MBD2: variants seen among roughly 807,000 people sequenced by gnomAD.
MBD2 encodes methyl-CpG-binding domain protein 2.
In MBD2, 9 loss-of-function variants were observed where a neutral mutation model predicts 39.3. That is an observed-to-expected ratio of 0.23 (90% CI 0.14 to 0.40). The LOEUF is 0.40. Ranked by LOEUF, MBD2 falls within the 10% of genes least tolerant of loss-of-function variation. The pLI is 1.00. For synonymous variants in MBD2, 233 were observed against 211.1 expected (o/e 1.10, Z -0.90); for missense variants, 458 against 532.6 (o/e 0.86, Z 1.38).
intron 6 of MBD2, among the ~76,000 whole-genome samples, chr18:54,157,899 A>G (rs1462923180): frequency 6.6e-6 from 1 of 152,080 alleles, no homozygotes; most frequent in African/African-American, 2.4e-5. Flanking sequence ...TCTCAGATCT[A>G]CCCATCTCTT....
At position 54,161,594 on chromosome 18, in the gene MBD2, T is replaced by C. The variant is rs117449509; in HGVS notation, c.1110-1691A>G. The stretch of plus-strand genomic sequence containing the variant: ...AGAAAATGGAGCAAATGGCACCATA[T>C]GCAGTAATTTGGATGGAGAATTTTA... On this transcript the variant is annotated intron_variant, in intron 5 of 6. Coordinates refer to ENST00000256429, the MANE Select transcript of MBD2 (RefSeq NM_003927.5). Among the ~76,000 whole-genome samples, 110 of 152,360 alleles carry C rather than the reference T, an allele frequency of 7.2e-4. 1 individual carries two copies. The highest frequency in any genetic ancestry group is 5.0e-3 in the South Asian group (24 of 4,826).
At chr18:54,168,071 ATG>A (rs933796051) in intron 3 of MBD2, among the ~76,000 whole-genome samples, 2 of 150,518 alleles carry the variant, frequency 1.3e-5, no homozygotes, top group African/African-American at 4.9e-5. Context: ...CTTTATATAT[ATG>A]TGTATATATA....
In MBD2 at chr18:54,196,657, T is replaced by G. The variant is rs143469200; in HGVS notation, c.703-7646A>C. Among the ~76,000 whole-genome samples the G allele has an allele frequency of 2.6e-5, 4 of 152,306 alleles. No individual in the cohort carries two copies. The East Asian group carries it at 7.7e-4, about 29-fold the overall frequency. On this transcript the variant is annotated intron_variant, in intron 2 of 6. Coordinates refer to ENST00000256429, the MANE Select transcript of MBD2 (RefSeq NM_003927.5). ...TCTTCAGGACCTATAAAAGTTCTGT[T>G]AACACCTGGGCATACCAAACAAATC...
chr18:54,220,101 T>C (rs1209468415), intron 1 of MBD2, among the ~76,000 whole-genome samples: 2 of 152,112 alleles, frequency 1.3e-5, no homozygotes, highest in Non-Finnish European at 2.9e-5. Context: ...GCGACCGACC[T>C]AGACTTGATT....
chr18:54,197,629 ACT>A (rs1217486347), intron 2 of MBD2, among the ~76,000 whole-genome samples: 2 of 152,062 alleles, frequency 1.3e-5, no homozygotes, highest in African/African-American at 4.8e-5. Context: ...ACCCTTTAGT[ACT>A]CTTTTTGTGT....
chr18:54,223,017 T>C (rs2086628431), intron 1 of MBD2, among the ~76,000 whole-genome samples: 1 of 152,202 alleles, frequency 6.6e-6, no homozygotes, highest in Admixed American at 6.5e-5. Flanking sequence ...CCCATATACA[T>C]TCCCTGAAAA....
intron 1 of MBD2, among the ~76,000 whole-genome samples, 174 bp downstream of exon 1, chr18:54,223,843 TC>T (rs2086635216): frequency 6.6e-6 from 1 of 151,832 alleles, no homozygotes; most frequent in Non-Finnish European, 1.5e-5. Flanking sequence ...TGACACTGCC[TC>T]CCACCGCACT....
At chr18:54,186,328 T>C (rs1192541859) in intron 3 of MBD2, among the ~76,000 whole-genome samples, 1 of 152,188 alleles carries the variant, frequency 6.6e-6, no homozygotes, top group African/African-American at 2.4e-5. Flanking sequence ...TTGGAATATT[T>C]GGCAATTTAT....
intron 2 of MBD2, chr18:54,202,977 T>A (rs1283241116): frequency 1.0e-6 from 1 of 991,042 alleles, no homozygotes; most frequent in African/African-American, 1.6e-5. Flanking sequence ...GGGTCTTGGA[T>A]GAGTAGGAGT....
In MBD2 at chr18:54,170,571, T is replaced by A. The variant is rs939378733; in HGVS notation, c.841-4405A>T. ...ACTCTTTAGTGAAGAACAAAAGAGA[T>A]GGCTTACTAGGAAAAAGGAATTTGA... On this transcript the variant is annotated intron_variant, in intron 3 of 6. Transcript: ENST00000256429. Among the ~76,000 whole-genome samples, 31 of 152,220 alleles carry A rather than the reference T, an allele frequency of 2.0e-4. 2 individuals carry two copies. The highest frequency in any genetic ancestry group is 2.0e-3 in the Admixed American group (31 of 15,278).
At chr18:54,180,470 CTATT>C (rs2086242992) in intron 3 of MBD2, among the ~76,000 whole-genome samples, 1 of 152,098 alleles carries the variant, frequency 6.6e-6, no homozygotes, top group Admixed American at 6.5e-5. Flanking sequence ...TAAACCCTGA[CTATT>C]TAACCTATTT....
intron 1 of MBD2, among the ~76,000 whole-genome samples, chr18:54,209,976 T>C (rs1478840574): frequency 6.6e-6 from 1 of 152,188 alleles, no homozygotes; most frequent in Non-Finnish European, 1.5e-5. Flanking sequence ...ATTTGTAACT[T>C]AGGGAAGTTC....
chr18:54,217,260 G>A (rs2086569355), intron 1 of MBD2, among the ~76,000 whole-genome samples: 1 of 152,106 alleles, frequency 6.6e-6, no homozygotes, highest in African/African-American at 2.4e-5. Context: ...TTCCCAAAAT[G>A]AGTTTGAATT....
At chr18:54,173,995 G>T (rs1185751108) in intron 3 of MBD2, among the ~76,000 whole-genome samples, 15 of 152,142 alleles carry the variant, frequency 9.9e-5, no homozygotes, top group Non-Finnish European at 2.2e-4. Flanking sequence ...AGAATAGAAG[G>T]TGGGAGAGAA....
chr18:54,221,111 A>AGTGG (rs1390092212), intron 1 of MBD2, among the ~76,000 whole-genome samples: 5 of 152,196 alleles, frequency 3.3e-5, no homozygotes, highest in African/African-American at 1.2e-4. Flanking sequence ...TTACCACTAT[A>AGTGG]GTGGCTTACG....
At chr18:54,179,879 A>C (rs1271619531) in intron 3 of MBD2, among the ~76,000 whole-genome samples, 1 of 141,640 alleles carries the variant, frequency 7.1e-6, no homozygotes, top group East Asian at 2.2e-4. Flanking sequence ...AGTTCTAACT[A>C]ATAAAATAGA....
At chr18:54,201,839 G>A (rs1188652297) in intron 2 of MBD2, among the ~76,000 whole-genome samples, 1 of 150,504 alleles carries the variant, frequency 6.6e-6, no homozygotes, top group Non-Finnish European at 1.5e-5. Flanking sequence ...CTCCAGCCTG[G>A]GCGACAGAGC....
chr18:54,224,602 A>G lies in MBD2; in HGVS notation c.-43T>C. ...CGGCGCTGCGCTTCTTCCGTAACCG[A>G]GCCCTTGGAATCCCGGAGACCCGCC... On this transcript the variant is annotated 5_prime_UTR_variant, in exon 1 of 7. Coordinates refer to ENST00000256429, the MANE Select transcript of MBD2 (RefSeq NM_003927.5). 2 of 1,213,110 alleles carry G rather than the reference A, an allele frequency of 1.6e-6. No individual in the cohort carries two copies. Among genetic ancestry groups the G allele is most frequent in the Non-Finnish European group, 1.0e-6 (1 of 972,272 alleles). 75.1% of individuals were successfully genotyped at this position (1,213,110 alleles called of 1,614,324 possible). A position where few individuals can be genotyped will look rare whatever the true frequency, so the allele number is the denominator to read the frequency against.
At chr18:54,163,490 G>C (rs1251972091) in intron 5 of MBD2, among the ~76,000 whole-genome samples, 2 of 151,984 alleles carry the variant, frequency 1.3e-5, no homozygotes, top group Non-Finnish European at 2.9e-5. Flanking sequence ...ATGATATTGA[G>C]GTCATAAAAC....
Sources: allele counts gnomAD v4.1 joint callset (sites outside exome capture counted in the v4.1 genomes callset), GRCh38; gene constraint gnomAD v4.1.1; transcripts MANE v1.5; gene names NCBI Gene and HGNC (gene_info 2026-07-23, HGNC 2026-07-21).